The following C1orf167 variants were observed in gnomAD, a reference collection of about 807,000 sequenced individuals.
C1orf167 encodes the protein chromosome 1 open reading frame 167, also known as uncharacterized protein C1orf167.
C1orf167 carries 153 observed loss-of-function variants against 176.5 expected under a neutral mutation model. The observed-to-expected ratio is 0.87, with a 90% CI of 0.76 to 0.99. The LOEUF is 0.99. Among genes scored for constraint, C1orf167 ranks in the 50% least tolerant of loss-of-function variants. The pLI is 0.00. For synonymous variants in C1orf167, 594 were observed against 752.7 expected, an observed-to-expected ratio of 0.79 and a Z score of 3.45; for missense variants, 1,490 against 1,817.7, an observed-to-expected ratio of 0.82 and a Z score of 3.28.
intron 16 of C1orf167, 132 bp downstream of exon 16, chr1:11,785,421 A>G: frequency 1.0e-6 from 1 of 985,874 alleles, no homozygotes; most frequent in Non-Finnish European, 1.3e-6. Flanking sequence ...TCCAAAAATG[A>G]CCCTCGGACC....
In C1orf167 at chr1:11,785,190, C is replaced by T; in HGVS notation, c.3468C>T (p.Val1156=). 7.7e-7 allele frequency: 1 copy of T among 1,291,690 alleles called. No homozygotes were observed. The highest frequency in any genetic ancestry group is 1.0e-6 in the Non-Finnish European group (1 of 988,774). The allele number at this position is 1,291,690 out of a possible 1,614,324, so 80.0% of individuals were successfully genotyped here. The change falls in exon 16 of 21, where the codon GTC becomes GTT. Residue 1156 remains valine, a synonymous_variant. Coordinates refer to ENST00000688073, the MANE Select transcript of C1orf167 (RefSeq NM_001010881.2). ...ASVQSAVRGG[V]QRAILTQLRP... ...TGCAGTCGGCGGTGCGCGGCGGTGT[C>T]CAGCGAGCCATCCTCACCCAGCTCC...
At chr1:11,786,648 C>T (rs1643880979) in intron 16 of C1orf167, 1 of 149,418 alleles carries the variant, frequency 6.7e-6, no homozygotes, top group African/African-American at 2.5e-5. Context: ...ACTATGTTGC[C>T]AGGGCTTGTC....
At position 11,771,959 on chromosome 1, in the gene C1orf167, T is replaced by A. The variant is rs1029146218; in HGVS notation, c.1811-123T>A. 4.2e-6 allele frequency: 3 copies of A among 706,466 alleles called. No individual in the cohort carries two copies. In the African/African-American group the frequency reaches 5.7e-5, roughly 13 times the overall value. 43.8% of individuals were successfully genotyped at this position (706,466 alleles called of 1,614,324 possible). ...AGAGGCTGGAGTATTGGAGCTAGAC[T>A]TCACTTACTCAGAGATGGGGGGTGC... On this transcript the variant is annotated intron_variant, in intron 7 of 20. Transcript: ENST00000688073.
At chr1:11,785,435 G>A (rs1643816020) in intron 16 of C1orf167, 146 bp downstream of exon 16, 10 of 960,816 alleles carry the variant, frequency 1.0e-5, no homozygotes, top group Non-Finnish European at 1.2e-5. Context: ...TCGGACCACC[G>A]GCCTTAGAAT....
At chr1:11,763,421 T>A (rs985464106) in intron 1 of C1orf167, among the ~76,000 whole-genome samples, 4 of 133,916 alleles carry the variant, frequency 3.0e-5, no homozygotes, top group Admixed American at 2.5e-4. Context: ...CCAGCCTGGG[T>A]GGCAAAGTGA....
intron 1 of C1orf167, among the ~76,000 whole-genome samples, chr1:11,763,070 G>C (rs759571577): frequency 5.3e-5 from 8 of 152,184 alleles, no homozygotes; most frequent in Non-Finnish European, 1.2e-4. Flanking sequence ...GAGCAGCCAG[G>C]GGGCTGGTGT....
At chr1:11,775,146 G>T (rs1468048227) in intron 8 of C1orf167, among the ~76,000 whole-genome samples, 1 of 152,128 alleles carries the variant, frequency 6.6e-6, no homozygotes, top group African/African-American at 2.4e-5. Context: ...AAAATTAGCC[G>T]GGCATGGTGG....
rs987612136 is a variant in C1orf167, at chr1:11,766,092, C to G, written c.306C>G (p.Ser102Arg). ...TCAATTCAAGCTTCTGGCAACAGAGCAACCTGCAGTCCCTGGCCAGGAGGC... is the reference window on the plus strand; with the variant it reads ...TCAATTCAAGCTTCTGGCAACAGAGGAACCTGCAGTCCCTGGCCAGGAGGC... ...QLVNSSFWQQ[S>R]NLQSLARRRQ... Residue 102 changes from serine (S) to arginine (R), a missense_variant, in exon 3 of 21, where the codon AGC becomes AGG. Coordinates refer to ENST00000688073, the MANE Select transcript of C1orf167 (RefSeq NM_001010881.2). The surrounding 1 kb of genome is among the most constrained non-coding windows in gnomAD (Gnocchi z 4.5). 2.3e-6 allele frequency: 3 copies of G among 1,289,780 alleles called. No individual in the cohort carries two copies. In the African/African-American group the frequency reaches 4.6e-5, roughly 20 times the overall value. 79.9% of individuals were successfully genotyped at this position (1,289,780 alleles called of 1,614,324 possible).
Position 11,767,235 on chromosome 1 carries a change from C to T in C1orf167, c.1314C>T (p.Asn438=). The T allele has an allele frequency of 2.3e-6, 3 of 1,289,128 alleles. No individual in the cohort carries two copies. The highest frequency in any genetic ancestry group is 3.0e-6 in the Non-Finnish European group (3 of 988,666). The allele number at this position is 1,289,128 out of a possible 1,614,324, so 79.9% of individuals were successfully genotyped here. A position where few individuals can be genotyped will look rare whatever the true frequency, so the allele number is the denominator to read the frequency against. ...ASSASKNKAQ[N]ITAPESEAIC... is the part of the protein sequence containing the mutation. ...TGCTTTCCCAGAACAAGGCACAAAACATCACAGCCCCAGAGTCTGAGGCAA... is the reference window on the plus strand; with the variant it reads ...TGCTTTCCCAGAACAAGGCACAAAATATCACAGCCCCAGAGTCTGAGGCAA... The change falls in exon 4 of 21, where the codon AAC becomes AAT. Residue 438 remains asparagine, a synonymous_variant. Coordinates refer to ENST00000688073, the MANE Select transcript of C1orf167 (RefSeq NM_001010881.2).
rs987128862 is a variant in C1orf167 at position 11,782,325 on chromosome 1, A to G, written c.2997A>G (p.Leu999=). The G allele has an allele frequency of 7.1e-6, 9 of 1,259,506 alleles. No homozygotes were observed. The highest frequency in any genetic ancestry group is 7.2e-6 in the Non-Finnish European group (7 of 968,068). 78.0% of individuals were successfully genotyped at this position (1,259,506 alleles called of 1,614,324 possible). The part of the protein sequence containing the change: ...RCTVTRPEQL[L]LQSYFQAWCE... ...CAGTGACCCGGCCAGAGCAGCTGCT[A>G]CTGCAGAGGTGGGTGGGCCTGGGGG... is the stretch of plus-strand genomic sequence containing the variant. The change falls in exon 14 of 21, where the codon CTA becomes CTG. Residue 999 remains leucine, a synonymous_variant. Coordinates refer to ENST00000688073, the MANE Select transcript of C1orf167 (RefSeq NM_001010881.2).
At chr1:11,788,461 C>T in intron 19 of C1orf167, 83 bp downstream of exon 19, 1 of 1,201,358 alleles carries the variant, frequency 8.3e-7, no homozygotes. Context: ...AAGTATGGCC[C>T]TTGGACCTAC....
rs1430214379 is a variant in C1orf167, at chr1:11,767,284, G to C, written c.1343+20G>C. 3 of 1,282,758 alleles carry C rather than the reference G, an allele frequency of 2.3e-6. No individual in the cohort carries two copies. The South Asian group carries it at 3.7e-5, about 16-fold the overall frequency. 79.5% of individuals were successfully genotyped at this position (1,282,758 alleles called of 1,614,324 possible). A position where few individuals can be genotyped will look rare whatever the true frequency, so the allele number is the denominator to read the frequency against. ...AATCTGGTGAGGCCATGGCTGGGTGGGGACAGGGGTTGGAGTTGGGGGACA... is the reference window on the plus strand; with the variant it reads ...AATCTGGTGAGGCCATGGCTGGGTGCGGACAGGGGTTGGAGTTGGGGGACA... On this transcript the variant is annotated intron_variant, in intron 4 of 20. Transcript: ENST00000688073.
At position 11,789,120 on chromosome 1, in the gene C1orf167, T is replaced by G; in HGVS notation, c.4174-150T>G. ...TCAGATCTATTCTGAGCTTGTGCATTTGGCCTAGGCAAGACTGGCTGGCTG... is the reference window on the plus strand; with the variant it reads ...TCAGATCTATTCTGAGCTTGTGCATGTGGCCTAGGCAAGACTGGCTGGCTG... On this transcript the variant is annotated intron_variant, in intron 20 of 20. Transcript: ENST00000688073. 4 of 668,926 alleles carry G rather than the reference T, an allele frequency of 6.0e-6. No individual in the cohort carries two copies. The South Asian group carries it at 7.4e-5, about 12-fold the overall frequency. 41.4% of individuals were successfully genotyped at this position (668,926 alleles called of 1,614,324 possible). A position where few individuals can be genotyped will look rare whatever the true frequency, so the allele number is the denominator to read the frequency against.
chr1:11,777,209 C>T (rs1032598558), intron 10 of C1orf167: 1 of 152,696 alleles, frequency 6.5e-6, no homozygotes, highest in Non-Finnish European at 1.5e-5. Context: ...TGTGTTGAGA[C>T]CTGGGTGCTG....
intron 14 of C1orf167, 102 bp from the exon 15 acceptor site, chr1:11,784,072 G>A (rs1370851398): frequency 1.9e-6 from 2 of 1,075,364 alleles, no homozygotes; most frequent in Non-Finnish European, 2.4e-6. Flanking sequence ...TGGTCAGGCT[G>A]GTCTCAAACT....
rs2100260925 is a variant in C1orf167, at chr1:11,768,098, T to G, written c.1365T>G (p.Cys455Trp). 7.8e-7 allele frequency: 1 copy of G among 1,288,720 alleles called. No homozygotes were observed. Among genetic ancestry groups the G allele is most frequent in the Non-Finnish European group, 1.0e-6 (1 of 988,356 alleles). The allele number at this position is 1,288,720 out of a possible 1,614,324, so 79.8% of individuals were successfully genotyped here. A position where few individuals can be genotyped will look rare whatever the true frequency, so the allele number is the denominator to read the frequency against. ...CCAGCTGGCAGCTGTTGTCCAGATG[T>G]TTTCGATCCTGGAGGCACTTGGTGA... ...EAICWQLLSR[C>W]FRSWRHLVKR... Residue 455 changes from cysteine to tryptophan, a missense_variant, in exon 5 of 21, where the codon TGT becomes TGG. By Grantham distance (215) the Cys-to-Trp change is radical. Coordinates refer to ENST00000688073, the MANE Select transcript of C1orf167 (RefSeq NM_001010881.2). The surrounding 1 kb of genome is among the most constrained non-coding windows in gnomAD (Gnocchi z 4.5).
rs142614302 is a variant in C1orf167 at position 11,782,667 on chromosome 1, T to C, written c.3005+334T>C. 7.8e-3 allele frequency among the ~76,000 whole-genome samples: 1,187 copies of C among 152,208 alleles called. 22 individuals carry two copies. Among genetic ancestry groups the C allele is most frequent in the African/African-American group, 0.027 (1,141 of 41,538 alleles). On this transcript the variant is annotated intron_variant, in intron 14 of 20. Transcript: ENST00000688073. ...TGGGAACAGTGGATCATACCTATAA[T>C]CCCAGCACTTTGGGAGGCCGAGGAA...
At chr1:11,788,821 C>A in intron 20 of C1orf167, 75 bp downstream of exon 20, 1 of 1,258,464 alleles carries the variant, frequency 7.9e-7, no homozygotes, top group Non-Finnish European at 1.1e-6. Flanking sequence ...GTGCCACAGC[C>A]ACGCACCGTG....
chr1:11,765,970 G>T lies in C1orf167; in HGVS notation c.184G>T (p.Ala62Ser), dbSNP rs1271176666. 2 of 1,282,676 alleles carry T rather than the reference G, an allele frequency of 1.6e-6. No individual in the cohort carries two copies. The highest frequency in any genetic ancestry group is 3.0e-5 in the African/African-American group (2 of 65,730). 79.5% of individuals were successfully genotyped at this position (1,282,676 alleles called of 1,614,324 possible). Residue 62 changes from alanine (A) to serine (S), a missense_variant, in exon 3 of 21, where the codon GCA becomes TCA. By Grantham distance (99) the Ala-to-Ser change is moderately conservative. Transcript: ENST00000688073. ...GGPAATPSPG[A>S]VLDQEPCRVQ... ...GCCTGCTGCCACACCCTCCCCAGGG[G>T]CAGTGCTAGACCAGGAGCCCTGCCG...
Sources: allele counts gnomAD v4.1 joint callset (sites outside exome capture counted in the v4.1 genomes callset), GRCh38; gene constraint gnomAD v4.1.1; non-coding constraint Gnocchi (gnomAD v3.1); transcripts MANE v1.5; gene names NCBI Gene and HGNC (gene_info 2026-07-23, HGNC 2026-07-21).